ATAD1: variants seen among roughly 807,000 people sequenced by gnomAD.
The protein encoded by ATAD1 is ATPase family AAA domain containing 1, also known as outer mitochondrial transmembrane helix translocase.
ATAD1 carries 18 observed loss-of-function variants against 42.7 expected under a neutral mutation model. The ratio of observed to expected loss-of-function variants is 0.42; its 90% CI spans 0.29 to 0.63. The LOEUF (loss-of-function observed/expected upper bound fraction) is 0.63. Among genes scored for constraint, ATAD1 ranks in the 20% least tolerant of loss-of-function variants. The pLI, the probability that ATAD1 is intolerant of heterozygous loss-of-function variation, is 0.19. For missense variants in ATAD1, 294 were observed against 440.4 expected (o/e 0.67, Z 2.98); for synonymous variants, 132 against 143.1 (o/e 0.92, Z 0.55).
chr10:87,796,933 A>G (rs1479218856), intron 2 of ATAD1, among the ~76,000 whole-genome samples: 1 of 152,236 alleles, frequency 6.6e-6, no homozygotes, highest in Non-Finnish European at 1.5e-5. Context: ...TCCAACAAGG[A>G]AAGCAAGATT....
intron 6 of ATAD1, among the ~76,000 whole-genome samples, chr10:87,772,675 T>C (rs1004784441): frequency 3.3e-5 from 5 of 152,010 alleles, no homozygotes; most frequent in South Asian, 2.1e-4. Flanking sequence ...TACTAAAAAA[T>C]AGAACCAAGG....
At chr10:87,817,527 G>A (rs1857474555) in intron 1 of ATAD1, among the ~76,000 whole-genome samples, 1 of 152,156 alleles carries the variant, frequency 6.6e-6, no homozygotes, top group Non-Finnish European at 1.5e-5. Context: ...TTATTGACAT[G>A]TATAGCATTC....
In ATAD1 at chr10:87,784,665, G is replaced by T. The variant is rs1855739950; in HGVS notation, c.388C>A (p.Leu130Ile). Residue 130 changes from leucine (L) to isoleucine (I), a missense_variant, in exon 5 of 10, where the codon CTT (leucine) becomes ATT (isoleucine). Coordinates refer to ENST00000680024, the MANE Select transcript of ATAD1 (RefSeq NM_001321967.2). ...CCACAGCCTGGAGGCCCATAGAGAAGAACACCTGGAAATGAATATGTTATT... is the reference window on the plus strand; with the variant it reads ...CCACAGCCTGGAGGCCCATAGAGAATAACACCTGGAAATGAATATGTTATT... ...SRLLQPPKGV[L>I]LYGPPGCGKT... The T allele has an allele frequency of 6.2e-7, 1 of 1,612,020 alleles. No homozygotes were observed. Among genetic ancestry groups the T allele is most frequent in the African/African-American group, 1.3e-5 (1 of 74,856 alleles).
chr10:87,760,321 C>A (rs931561026), intron 8 of ATAD1, among the ~76,000 whole-genome samples: 4 of 152,028 alleles, frequency 2.6e-5, no homozygotes, highest in African/African-American at 9.7e-5. Context: ...TGAGTGAGTT[C>A]TCTCAAGATC....
chr10:87,822,596 T>G (rs1043941881), upstream of ATAD1, among the ~76,000 whole-genome samples: 11 of 152,006 alleles, frequency 7.2e-5, no homozygotes, highest in Non-Finnish European at 1.5e-4. Context: ...GTTGAACTCA[T>G]GGAGATAGAG....
At chr10:87,768,386 T>G (rs1411164200) in intron 7 of ATAD1, among the ~76,000 whole-genome samples, 1 of 152,214 alleles carries the variant, frequency 6.6e-6, no homozygotes, top group Non-Finnish European at 1.5e-5. Context: ...AAAGCAGAGC[T>G]GGTTACAATG....
chr10:87,789,468 C>T (rs1413828520), intron 4 of ATAD1, among the ~76,000 whole-genome samples: 2 of 152,182 alleles, frequency 1.3e-5, no homozygotes, highest in Non-Finnish European at 2.9e-5. Context: ...TGCCTGTAAT[C>T]CCAGCACTCT....
chr10:87,786,739 G>A (rs547053829), intron 4 of ATAD1, among the ~76,000 whole-genome samples: 8 of 152,120 alleles, frequency 5.3e-5, no homozygotes, highest in East Asian at 3.9e-4. Context: ...GGCAGATCAC[G>A]AGGTGAGGAG....
chr10:87,767,906 C>T (rs1854840342), intron 7 of ATAD1, among the ~76,000 whole-genome samples, 183 bp from the exon 8 acceptor site: 3 of 152,098 alleles, frequency 2.0e-5, no homozygotes, highest in Admixed American at 2.0e-4. Flanking sequence ...TCTGGTTCTC[C>T]TACTGAACTG....
intron 8 of ATAD1, among the ~76,000 whole-genome samples, chr10:87,766,335 C>G (rs1854745982): frequency 6.6e-6 from 1 of 152,012 alleles, no homozygotes. Context: ...AGTGAAAGAC[C>G]AGAATCAATC....
At chr10:87,807,110 G>A (rs917663886) in intron 2 of ATAD1, among the ~76,000 whole-genome samples, 1 of 152,084 alleles carries the variant, frequency 6.6e-6, no homozygotes, top group Non-Finnish European at 1.5e-5. Flanking sequence ...AAACTTGTTT[G>A]TTTTTCTCTT....
At chr10:87,826,942 T>C (rs1857741417) in intron 1 of ATAD1, among the ~76,000 whole-genome samples, 1 of 148,070 alleles carries the variant, frequency 6.8e-6, no homozygotes, top group Non-Finnish European at 1.5e-5. Flanking sequence ...AAAGTCTCTC[T>C]AGTGTTACCC....
intron 5 of ATAD1, among the ~76,000 whole-genome samples, chr10:87,780,888 A>G (rs12771188): frequency 1.3e-5 from 2 of 152,146 alleles, no homozygotes; most frequent in South Asian, 4.1e-4. Flanking sequence ...CTGTACAAGG[A>G]AACTTGTCCA....
chr10:87,752,603 T>G lies in ATAD1; in HGVS notation c.*2084A>C, dbSNP rs1854062287. 1 of 152,156 alleles carries G rather than the reference T, an allele frequency of 6.6e-6. No homozygotes were observed. The highest frequency in any genetic ancestry group is 2.1e-4 in the South Asian group (1 of 4,832). 9.4% of individuals were successfully genotyped at this position (152,156 alleles called of 1,614,324 possible). On this transcript the variant is annotated 3_prime_UTR_variant, in exon 10 of 10. Coordinates refer to ENST00000680024, the MANE Select transcript of ATAD1 (RefSeq NM_001321967.2). ...GGAAGCCTGATTCTAGATCCAGTAC[T>G]CTGAAGTATTACCCAAAATGAATTA... is the stretch of plus-strand genomic sequence containing the variant.
chr10:87,787,704 A>G (rs985886932), intron 4 of ATAD1, among the ~76,000 whole-genome samples: 1 of 152,184 alleles, frequency 6.6e-6, no homozygotes, highest in Non-Finnish European at 1.5e-5. Flanking sequence ...ATTAGTGACT[A>G]TTTTTCTTTT....
At chr10:87,800,001 T>C (rs903608148) in intron 2 of ATAD1, among the ~76,000 whole-genome samples, 2 of 151,474 alleles carry the variant, frequency 1.3e-5, no homozygotes, top group African/African-American at 4.8e-5. Flanking sequence ...TACAATAAAA[T>C]GACTGCTTAA....
chr10:87,811,290 A>G (rs1857168335), intron 2 of ATAD1, among the ~76,000 whole-genome samples: 1 of 152,058 alleles, frequency 6.6e-6, no homozygotes, highest in Non-Finnish European at 1.5e-5. Flanking sequence ...CTGAGATTGT[A>G]CCACTGCACT....
At chr10:87,831,480 T>C (rs901400206) in intron 1 of ATAD1, among the ~76,000 whole-genome samples, 1 of 152,192 alleles carries the variant, frequency 6.6e-6, no homozygotes, top group African/African-American at 2.4e-5. Flanking sequence ...CCAGTGTAGA[T>C]ACTATAGATT....
Position 87,778,356 on chromosome 10 carries a change from A to G in ATAD1, c.584-1929T>C, listed in dbSNP as rs1268044439. Among the ~76,000 whole-genome samples the G allele has an allele frequency of 2.0e-5, 3 of 151,164 alleles. No homozygotes were observed. In the Admixed American group the frequency reaches 2.0e-4, roughly 10 times the overall value. ...ATATAAGGACTCGGAATGATCAAAAAATAGAAAATGACACAGGTTGAGTAT... is the reference window on the plus strand; with the variant it reads ...ATATAAGGACTCGGAATGATCAAAAGATAGAAAATGACACAGGTTGAGTAT... On this transcript the variant is annotated intron_variant, in intron 5 of 9. Transcript: ENST00000680024.
Sources: allele counts gnomAD v4.1 joint callset (sites outside exome capture counted in the v4.1 genomes callset), GRCh38; gene constraint gnomAD v4.1.1; transcripts MANE v1.5; gene names NCBI Gene and HGNC (gene_info 2026-07-23, HGNC 2026-07-21).